Variants in INIP observed in about 807,000 individuals in gnomAD.
INIP encodes the protein INTS3 and NABP interacting protein.
In INIP, 9 loss-of-function variants were observed where a neutral mutation model predicts 14.0. The observed-to-expected ratio is 0.64, with a 90% CI of 0.39 to 1.12. INIP has a LOEUF of 1.12. INIP is among the 50% of genes most tolerant of loss of function. The pLI is 0.01. For missense variants in INIP, 78 were observed against 122.7 expected (o/e 0.64, Z 1.72); for synonymous variants, 37 against 41.5 (o/e 0.89, Z 0.41).
intron 4 of INIP, among the ~76,000 whole-genome samples, chr9:112,689,282 C>T (rs573020165): frequency 6.6e-6 from 1 of 152,298 alleles, no homozygotes; most frequent in South Asian, 2.1e-4. Context: ...TGTGCACAAG[C>T]AATCCCTTGG....
intron 2 of INIP, among the ~76,000 whole-genome samples, chr9:112,710,102 C>T (rs913571554): frequency 2.6e-5 from 4 of 152,138 alleles, no homozygotes; most frequent in Non-Finnish European, 5.9e-5. Flanking sequence ...TTAGTATAAA[C>T]GTGAAGAATA....
chr9:112,712,082 A>G (rs912799856), intron 2 of INIP, among the ~76,000 whole-genome samples: 22 of 152,218 alleles, frequency 1.4e-4, no homozygotes, highest in Non-Finnish European at 3.2e-4. Context: ...TCACCTTACT[A>G]GCTTGAGGTG....
chr9:112,711,101 T>C (rs1838634393), intron 2 of INIP, among the ~76,000 whole-genome samples: 1 of 151,514 alleles, frequency 6.6e-6, no homozygotes. Flanking sequence ...GCTCAGGAGT[T>C]GGAGGCTGCA....
chr9:112,703,259 T>C (rs1481502900), intron 2 of INIP, among the ~76,000 whole-genome samples: 6 of 152,230 alleles, frequency 3.9e-5, no homozygotes, highest in South Asian at 2.1e-4. Context: ...AATGGTGAGA[T>C]AGAAAAAGAT....
chr9:112,693,222 A>C (rs981483577), intron 3 of INIP, among the ~76,000 whole-genome samples: 1 of 152,194 alleles, frequency 6.6e-6, no homozygotes, highest in African/African-American at 2.4e-5. Context: ...AGCAATTAAG[A>C]AGCAGCTCAG....
chr9:112,712,007 G>A (rs920100848), intron 2 of INIP, among the ~76,000 whole-genome samples: 1 of 152,190 alleles, frequency 6.6e-6, no homozygotes, highest in African/African-American at 2.4e-5. Flanking sequence ...TGCAACTGGT[G>A]AGATTTGGGA....
intron 2 of INIP, among the ~76,000 whole-genome samples, chr9:112,695,120 C>T (rs1043335605): frequency 6.6e-6 from 1 of 152,118 alleles, no homozygotes; most frequent in African/African-American, 2.4e-5. Context: ...AAATAGTTGT[C>T]CCCTTTAGCT....
intron 2 of INIP, among the ~76,000 whole-genome samples, chr9:112,698,626 A>C (rs1356050009): frequency 1.3e-5 from 2 of 152,236 alleles, no homozygotes; most frequent in Non-Finnish European, 2.9e-5. Context: ...TCTGGCAGGG[A>C]TGGAAAAATG....
chr9:112,712,881 A>G (rs1007503758), intron 2 of INIP, among the ~76,000 whole-genome samples: 1 of 152,236 alleles, frequency 6.6e-6, no homozygotes, highest in Non-Finnish European at 1.5e-5. Context: ...AAAAAGCTCA[A>G]CAAACCCCAA....
intron 3 of INIP, among the ~76,000 whole-genome samples, chr9:112,691,638 C>G (rs1196983367): frequency 1.3e-5 from 2 of 152,212 alleles, no homozygotes; most frequent in Non-Finnish European, 2.9e-5. Flanking sequence ...AGAGAAATGT[C>G]CACAAAAGAA....
intron 2 of INIP, among the ~76,000 whole-genome samples, chr9:112,706,568 G>GT (rs1401679091): frequency 1.4e-4 from 21 of 151,822 alleles, no homozygotes. Flanking sequence ...ATTTTCTATG[G>GT]TAAGATTCTC....
chr9:112,704,619 G>T (rs1015111467), intron 2 of INIP, among the ~76,000 whole-genome samples: 1 of 152,090 alleles, frequency 6.6e-6, no homozygotes, highest in African/African-American at 2.4e-5. Context: ...TAAGCTTTAG[G>T]CATAACCAAA....
chr9:112,687,686 T>C, intron 4 of INIP, 53 bp from the exon 5 acceptor site: 1 of 1,038,646 alleles, frequency 9.6e-7, no homozygotes, highest in East Asian at 2.5e-5. Flanking sequence ...AGAGTCACAA[T>C]TCTTCGACCA....
intron 2 of INIP, 81 bp downstream of exon 2, chr9:112,716,380 C>T (rs966881423): frequency 1.5e-6 from 2 of 1,297,630 alleles, no homozygotes; most frequent in Middle Eastern, 1.9e-4. Context: ...AGTAACTGCC[C>T]TATGCTAAAT....
At chr9:112,709,561 G>C (rs1838586650) in intron 2 of INIP, among the ~76,000 whole-genome samples, 1 of 152,098 alleles carries the variant, frequency 6.6e-6, no homozygotes, top group Non-Finnish European at 1.5e-5. Flanking sequence ...AAAAGACCTA[G>C]AACACTGCCT....
intron 2 of INIP, among the ~76,000 whole-genome samples, chr9:112,699,976 C>A (rs1342243402): frequency 5.3e-5 from 8 of 152,178 alleles, no homozygotes; most frequent in Non-Finnish European, 1.2e-4. Flanking sequence ...CAGGTCCAAA[C>A]AACCTAGTAA....
At chr9:112,691,896 GCTA>G (rs1382926331) in intron 3 of INIP, among the ~76,000 whole-genome samples, 1 of 152,094 alleles carries the variant, frequency 6.6e-6, no homozygotes, top group Non-Finnish European at 1.5e-5. Flanking sequence ...TGTAATCCCA[GCTA>G]CTTGGGAGGC....
Position 112,685,887 on chromosome 9 carries a change from A to G in INIP, c.*1651T>C, listed in dbSNP as rs786964. The G allele has an allele frequency of 0.2, 30,193 of 152,126 alleles. 3,167 individuals are homozygous for G. Among genetic ancestry groups the G allele is most frequent in the African/African-American group, 0.26 (10,693 of 41,482 alleles). The allele number at this position is 152,126 out of a possible 1,614,324, so 9.4% of individuals were successfully genotyped here. A position where few individuals can be genotyped will look rare whatever the true frequency, so the allele number is the denominator to read the frequency against. ...ATGGGGACAGTTGCCACCTCATCAA[A>G]ATGAAGGAAATCAGTTCAAATTCTA... On this transcript the variant is annotated 3_prime_UTR_variant, in exon 5 of 5. Coordinates refer to ENST00000374242, the MANE Select transcript of INIP (RefSeq NM_021218.3).
chr9:112,711,100 T>C (rs867341553), intron 2 of INIP, among the ~76,000 whole-genome samples: 10 of 150,632 alleles, frequency 6.6e-5, no homozygotes, highest in Non-Finnish European at 1.2e-4. Flanking sequence ...AGCTCAGGAG[T>C]TGGAGGCTGC....
Sources: gnomAD v4.1 joint callset for allele counts (sites outside exome capture counted in the v4.1 genomes callset) on GRCh38, gnomAD v4.1.1 for gene constraint, MANE v1.5 for transcripts, NCBI Gene and HGNC (gene_info 2026-07-23, HGNC 2026-07-21) for gene names.